RAD51B: variants seen among roughly 807,000 people sequenced by gnomAD.
The protein encoded by RAD51B is RAD51 paralog B.
RAD51B carries 38 observed loss-of-function variants against 42.2 expected under a neutral mutation model. The observed-to-expected ratio is 0.90, with a 90% confidence interval of 0.70 to 1.18. The LOEUF (loss-of-function observed/expected upper bound fraction) is 1.18, where lower values mean the gene tolerates loss of function less well. Among genes scored for constraint, RAD51B ranks in the 50% most tolerant of loss-of-function variants. RAD51B has a pLI of 0.00. For synonymous variants in RAD51B, 154 were observed against 145.2 expected, an observed-to-expected ratio of 1.06 and a Z score of -0.43; for missense variants, 373 against 400.7, an observed-to-expected ratio of 0.93 and a Z score of 0.59.
intron 10 of RAD51B, among the ~76,000 whole-genome samples, chr14:68,585,707 T>C (rs2256206): frequency 0.088 from 13,459 of 152,090 alleles, 991 homozygotes; most frequent in East Asian, 0.25. Flanking sequence ...TCCTGCTCAC[T>C]GCAAGGAAGA....
chr14:68,489,236 T>A (rs1276504056), intron 10 of RAD51B, among the ~76,000 whole-genome samples: 1 of 152,176 alleles, frequency 6.6e-6, no homozygotes, highest in African/African-American at 2.4e-5. Context: ...GCTGCCAGAT[T>A]TCAACTCTTG....
At chr14:67,977,727 C>A (rs1481673247) in intron 7 of RAD51B, among the ~76,000 whole-genome samples, 1 of 152,166 alleles carries the variant, frequency 6.6e-6, no homozygotes, top group South Asian at 2.1e-4. Flanking sequence ...GTAATGATAT[C>A]AATCAAAATG....
At chr14:68,428,353 T>A (rs1362162478) in intron 9 of RAD51B, among the ~76,000 whole-genome samples, 1 of 152,194 alleles carries the variant, frequency 6.6e-6, no homozygotes, top group African/African-American at 2.4e-5. Context: ...AAATTTTTTT[T>A]AATTTTTACT....
chr14:67,881,727 T>C (rs574536778), intron 5 of RAD51B, among the ~76,000 whole-genome samples: 2 of 152,236 alleles, frequency 1.3e-5, no homozygotes, highest in Non-Finnish European at 2.9e-5. Context: ...GTTCAGTACC[T>C]GAAAACTCTT....
intron 8 of RAD51B, among the ~76,000 whole-genome samples, chr14:68,399,211 A>G (rs2084014248): frequency 6.6e-6 from 1 of 151,936 alleles, no homozygotes; most frequent in Admixed American, 6.6e-5. Flanking sequence ...AAGTTCCAAG[A>G]AAAGTATATT....
chr14:67,994,402 G>T (rs1595223355), intron 7 of RAD51B, among the ~76,000 whole-genome samples: 2 of 152,002 alleles, frequency 1.3e-5, no homozygotes, highest in East Asian at 3.8e-4. Flanking sequence ...CATATTCACT[G>T]GTTACATGGT....
intron 10 of RAD51B, among the ~76,000 whole-genome samples, chr14:68,537,478 G>A (rs1030701964): frequency 7.1e-6 from 1 of 140,994 alleles, no homozygotes; most frequent in Non-Finnish European, 1.5e-5. Flanking sequence ...CAGCCTGGGC[G>A]ACAGAGCAAG....
At chr14:68,250,277 CT>C (rs1416209289) in intron 7 of RAD51B, among the ~76,000 whole-genome samples, 2 of 152,248 alleles carry the variant, frequency 1.3e-5, no homozygotes, top group African/African-American at 4.8e-5. Flanking sequence ...TTGATATCTT[CT>C]GCTCTTAGCA....
intron 7 of RAD51B, among the ~76,000 whole-genome samples, chr14:68,109,115 TA>T (rs1242335222): frequency 1.1e-4 from 16 of 151,986 alleles, no homozygotes; most frequent in Admixed American, 9.2e-4. Flanking sequence ...ATTATATCAT[TA>T]AAAAATGTGT....
chr14:68,212,079 AGGGG>A (rs919449798), intron 7 of RAD51B, among the ~76,000 whole-genome samples: 6 of 152,236 alleles, frequency 3.9e-5, no homozygotes, highest in African/African-American at 1.2e-4. Context: ...GAACTTCGTC[AGGGG>A]AAGGCATCAT....
intron 7 of RAD51B, among the ~76,000 whole-genome samples, chr14:68,239,087 A>G (rs948218100): frequency 2.0e-5 from 3 of 152,230 alleles, no homozygotes; most frequent in African/African-American, 7.2e-5. Context: ...GTTCACATAG[A>G]TAACTAAGCT....
chr14:68,014,806 T>C lies in RAD51B; in HGVS notation c.756+127602T>C, dbSNP rs183579967. Among the ~76,000 whole-genome samples, 33 of 151,442 alleles carry C rather than the reference T, an allele frequency of 2.2e-4. No homozygotes were observed. The East Asian group carries it at 3.9e-3, about 18-fold the overall frequency. ...GATTGGAATACGTAATTTAGGAGCA[T>C]TCATTATTACTTTTTGACTTGGAAA... is the stretch of plus-strand genomic sequence containing the variant. On this transcript the variant is annotated intron_variant, in intron 7 of 10. Coordinates refer to ENST00000471583, the MANE Select transcript of RAD51B (RefSeq NM_133510.4).
chr14:68,370,841 G>A (rs1315445097), intron 8 of RAD51B, among the ~76,000 whole-genome samples: 2 of 151,318 alleles, frequency 1.3e-5, no homozygotes, highest in Non-Finnish European at 3.0e-5. Context: ...TCAGGAGTTC[G>A]ACCCAATATG....
intron 7 of RAD51B, among the ~76,000 whole-genome samples, chr14:68,163,613 T>C (rs1176355302): frequency 6.6e-6 from 1 of 152,224 alleles, no homozygotes; most frequent in Non-Finnish European, 1.5e-5. Flanking sequence ...TCCTTGGCTA[T>C]AACGCCTGCC....
chr14:67,846,228 G>A (rs935562287), intron 4 of RAD51B, among the ~76,000 whole-genome samples: 5 of 152,186 alleles, frequency 3.3e-5, no homozygotes, highest in Admixed American at 2.6e-4. Flanking sequence ...GGTGGTGTTG[G>A]CGCATGGGGT....
intron 8 of RAD51B, among the ~76,000 whole-genome samples, chr14:68,403,839 A>G (rs1286188621): frequency 6.6e-6 from 1 of 152,204 alleles, no homozygotes; most frequent in Non-Finnish European, 1.5e-5. Context: ...CCTCCCTAGA[A>G]TTTCATCTTC....
chr14:67,859,373 G>C (rs1377554492), intron 4 of RAD51B, among the ~76,000 whole-genome samples: 1 of 152,240 alleles, frequency 6.6e-6, no homozygotes, highest in East Asian at 1.9e-4. Flanking sequence ...ATAGGTCAGA[G>C]CGGATGCTTC....
chr14:68,434,408 C>T (rs1360791624), intron 9 of RAD51B, among the ~76,000 whole-genome samples: 6 of 152,288 alleles, frequency 3.9e-5, no homozygotes, highest in Non-Finnish European at 4.4e-5. Context: ...TGAGCTTCCC[C>T]GCCACTTTGT....
At chr14:68,430,883 G>A (rs2084985612) in intron 9 of RAD51B, among the ~76,000 whole-genome samples, 1 of 151,918 alleles carries the variant, frequency 6.6e-6, no homozygotes, top group Admixed American at 6.6e-5. Flanking sequence ...TATTGGCTGT[G>A]GGTTTGTCAT....
Sources: gnomAD v4.1 joint callset for allele counts (sites outside exome capture counted in the v4.1 genomes callset) on GRCh38, gnomAD v4.1.1 for gene constraint, MANE v1.5 for transcripts, NCBI Gene and HGNC (gene_info 2026-07-23, HGNC 2026-07-21) for gene names.